ADAM11: variants seen among roughly 807,000 people sequenced by gnomAD.
ADAM11 encodes disintegrin and metalloproteinase domain-containing protein 11.
Under a neutral mutation model 119.1 loss-of-function variants are expected in ADAM11, and 49 were observed. The observed-to-expected ratio is 0.41, with a 90% CI of 0.33 to 0.52. The LOEUF is 0.52. ADAM11 is among the 20% of genes least tolerant of loss of function. ADAM11 has a pLI of 0.20. For missense variants in ADAM11, 777 were observed against 1,047.5 expected, an observed-to-expected ratio of 0.74 and a Z score of 3.56; for synonymous variants, 364 against 408.0, an observed-to-expected ratio of 0.89 and a Z score of 1.30.
chr17:44,763,249 C>T (rs936925059), intron 2 of ADAM11, among the ~76,000 whole-genome samples: 1 of 152,214 alleles, frequency 6.6e-6, no homozygotes, highest in African/African-American at 2.4e-5. Flanking sequence ...CATCACAGCT[C>T]CCAGAGGTGG....
At position 44,774,680 on chromosome 17, in the gene ADAM11, G is replaced by T. The variant is rs977453464; in HGVS notation, c.1169-18G>T. The T allele has an allele frequency of 6.3e-7, 1 of 1,591,518 alleles. No homozygotes were observed. Among genetic ancestry groups the T allele is most frequent in the Admixed American group, 1.8e-5 (1 of 56,414 alleles). ...GTGGTCCTTGGCCTCCCTCATATCCGCCTGGCTCACCCCTCAGGGGACTGC... is the reference window on the plus strand; with the variant it reads ...GTGGTCCTTGGCCTCCCTCATATCCTCCTGGCTCACCCCTCAGGGGACTGC... On this transcript the variant is annotated intron_variant, in intron 13 of 26. Transcript: ENST00000200557.
At chr17:44,766,499 C>T (rs1346162170) in intron 2 of ADAM11, among the ~76,000 whole-genome samples, 1 of 152,144 alleles carries the variant, frequency 6.6e-6, no homozygotes, top group Non-Finnish European at 1.5e-5. Flanking sequence ...GGTGGGCCAG[C>T]CAGAGAGGAG....
Position 44,778,208 on chromosome 17 carries a change from G to A in ADAM11, c.2242G>A (p.Ala748Thr). Residue 748 changes from alanine (A) to threonine (T), a missense_variant, in exon 25 of 27, where the codon GCC (alanine) becomes ACC (threonine). Physicochemically the swap from Ala to Thr is moderately conservative, Grantham distance 58 (BLOSUM62 0). Coordinates refer to ENST00000200557, the MANE Select transcript of ADAM11 (RefSeq NM_002390.6). The part of the protein sequence containing the change: ...GSIAGAVLVA[A>T]IVLGGTGWGF... Reference sequence around the variant, plus strand: ...CATTGCTGGGGCTGTCCTGGTTGCAGCCATCGTCCTGGGCGGCACGGGCTG... The same window carrying A: ...CATTGCTGGGGCTGTCCTGGTTGCAACCATCGTCCTGGGCGGCACGGGCTG... 1 of 1,613,754 alleles carries A rather than the reference G, an allele frequency of 6.2e-7. No individual in the cohort carries two copies. The highest frequency in any genetic ancestry group is 8.5e-7 in the Non-Finnish European group (1 of 1,179,840).
intron 4 of ADAM11, among the ~76,000 whole-genome samples, chr17:44,770,839 T>C (rs1266283997): frequency 6.6e-6 from 1 of 152,208 alleles, no homozygotes; most frequent in East Asian, 1.9e-4. Flanking sequence ...CTAAGAACCC[T>C]TGCTGTACGC....
intron 4 of ADAM11, among the ~76,000 whole-genome samples, chr17:44,770,368 G>A (rs2049506335): frequency 6.6e-6 from 1 of 152,190 alleles, no homozygotes; most frequent in Non-Finnish European, 1.5e-5. Context: ...GGACAGCTGA[G>A]GAAAGGCCCT....
Position 44,773,441 on chromosome 17 carries a change from C to T in ADAM11, c.992+14C>T, listed in dbSNP as rs940686326. On this transcript the variant is annotated intron_variant, in intron 11 of 26. Transcript: ENST00000200557. The surrounding 1 kb of genome is among the most constrained non-coding windows in gnomAD (Gnocchi z 4.6). ...CCACCTCTTCTCGTGAGTCCCCCAC[C>T]CTGCACCTCCTGCCAGCCTCTGCTA... The T allele has an allele frequency of 1.2e-6, 2 of 1,608,446 alleles. No homozygotes were observed. Among genetic ancestry groups the T allele is most frequent in the Non-Finnish European group, 8.5e-7 (1 of 1,176,578 alleles).
At chr17:44,763,842 G>A (rs994361952) in intron 2 of ADAM11, among the ~76,000 whole-genome samples, 4 of 151,926 alleles carry the variant, frequency 2.6e-5, no homozygotes, top group African/African-American at 4.8e-5. Context: ...TCAGCCTCCC[G>A]AGTAGCTGGG....
chr17:44,761,305 G>A (rs541570494), intron 2 of ADAM11, among the ~76,000 whole-genome samples: 2 of 152,292 alleles, frequency 1.3e-5, no homozygotes, highest in Admixed American at 6.5e-5. Context: ...GGAAAAGCCT[G>A]GAGTCAGGTA....
Position 44,777,652 on chromosome 17 carries a change from G to T in ADAM11, c.1902-43G>T, listed in dbSNP as rs760090157. ...AGGGGAGGTTGCAGCTGTGCTGGGGGTTAGGAGACAGGGGGCTGAGGCTGG... is the reference window on the plus strand; with the variant it reads ...AGGGGAGGTTGCAGCTGTGCTGGGGTTTAGGAGACAGGGGGCTGAGGCTGG... On this transcript the variant is annotated intron_variant, in intron 22 of 26. Transcript: ENST00000200557. The surrounding 1 kb of genome is among the most constrained non-coding windows in gnomAD (Gnocchi z 5.1). 1.2e-6 allele frequency: 2 copies of T among 1,613,568 alleles called. No homozygotes were observed. Among genetic ancestry groups the T allele is most frequent in the Non-Finnish European group, 1.7e-6 (2 of 1,179,650 alleles).
At chr17:44,761,076 G>T (rs2049383361) in intron 2 of ADAM11, among the ~76,000 whole-genome samples, 1 of 152,072 alleles carries the variant, frequency 6.6e-6, no homozygotes, top group African/African-American at 2.4e-5. Flanking sequence ...CAGGCTCCCT[G>T]GGAGGTGTGC....
At chr17:44,767,908 G>A (rs2049470383) in intron 2 of ADAM11, among the ~76,000 whole-genome samples, 1 of 152,204 alleles carries the variant, frequency 6.6e-6, no homozygotes, top group East Asian at 1.9e-4. Context: ...CCTGAGTGAG[G>A]GAGATTCTGT....
intron 2 of ADAM11, among the ~76,000 whole-genome samples, chr17:44,767,354 CAAAAAAAAAAAAAAAAAA>C: frequency 1.8e-5 from 1 of 56,920 alleles, no homozygotes; most frequent in Non-Finnish European, 3.4e-5. Flanking sequence ...GACTCCATCT[CAAAAAAAAAAAAAAAAAA>C]AAAAAGAACA....
Position 44,776,537 on chromosome 17 carries a change from C to CGAGG in ADAM11, c.1567-199_1567-196dup, listed in dbSNP as rs1242300751. 6.6e-6 allele frequency among the ~76,000 whole-genome samples: 1 copy of CGAGG among 152,124 alleles called. No individual in the cohort carries two copies. Among genetic ancestry groups the CGAGG allele is most frequent in the East Asian group, 1.9e-4 (1 of 5,202 alleles). On this transcript the variant is annotated intron_variant, in intron 18 of 26. Transcript: ENST00000200557. This position sits in a 1 kb window ranked among gnomAD's most constrained non-coding sequence, Gnocchi z 5.2. ...GCCAGGCATTTATCTCCCAGCCCTA[C>CGAGG]GAGGGAGGGAGGCTGGAGCGGCTCT... is the stretch of plus-strand genomic sequence containing the variant.
At chr17:44,774,455 G>A (rs539162284) in intron 12 of ADAM11, 37 bp from the exon 13 acceptor site, 6 of 1,606,222 alleles carry the variant, frequency 3.7e-6, no homozygotes, top group African/African-American at 1.3e-5. Context: ...CCTGTTGGAA[G>A]ATGTAGACAT....
Position 44,772,298 on chromosome 17 carries a change from C to T in ADAM11, c.575C>T (p.Pro192Leu). ...GPLPHLIYRT[P>L]LLPDPLGCRE... ...CTTCCCCACCTCATTTACCGGACCC[C>T]TCTCCTCCCAGATCCCCTCGGATGC... Residue 192 changes from proline to leucine, a missense_variant, in exon 7 of 27, where the codon CCT becomes CTT. Pro to Leu is a moderately conservative substitution (Grantham distance 98). Transcript: ENST00000200557. This position sits in a 1 kb window ranked among gnomAD's most constrained non-coding sequence, Gnocchi z 4.5. 7 of 1,607,926 alleles carry T rather than the reference C, an allele frequency of 4.4e-6. No homozygotes were observed. Among genetic ancestry groups the T allele is most frequent in the Non-Finnish European group, 5.9e-6 (7 of 1,176,962 alleles).
chr17:44,763,921 T>C (rs1233207034), intron 2 of ADAM11, among the ~76,000 whole-genome samples: 1 of 152,218 alleles, frequency 6.6e-6, no homozygotes, highest in Non-Finnish European at 1.5e-5. Flanking sequence ...TTCACCATGC[T>C]GGCCAAACTG....
chr17:44,765,449 AG>A (rs1184399543), intron 2 of ADAM11, among the ~76,000 whole-genome samples: 1 of 152,182 alleles, frequency 6.6e-6, no homozygotes, highest in African/African-American at 2.4e-5. Flanking sequence ...CTGTCACAGT[AG>A]GTGATCCAAA....
At chr17:44,763,403 G>A (rs552289798) in intron 2 of ADAM11, among the ~76,000 whole-genome samples, 1 of 152,330 alleles carries the variant, frequency 6.6e-6, no homozygotes, top group South Asian at 2.1e-4. Flanking sequence ...TCTTGCTCAG[G>A]GCTGAAGGGA....
chr17:44,776,004 T>G lies in ADAM11; in HGVS notation c.1486-123T>G, dbSNP rs2049595881. ...GGGAGCAGGGAAATAAGAACAGGCC[T>G]GAAACGGGGCCCTGGGGAGCTGGAG... is the stretch of plus-strand genomic sequence containing the variant. On this transcript the variant is annotated intron_variant, in intron 17 of 26. Coordinates refer to ENST00000200557, the MANE Select transcript of ADAM11 (RefSeq NM_002390.6). The surrounding 1 kb of genome is among the most constrained non-coding windows in gnomAD (Gnocchi z 5.2). 2 of 1,157,434 alleles carry G rather than the reference T, an allele frequency of 1.7e-6. No individual in the cohort carries two copies. The highest frequency in any genetic ancestry group is 2.5e-6 in the Non-Finnish European group (2 of 795,108). The allele number at this position is 1,157,434 out of a possible 1,614,324, so 71.7% of individuals were successfully genotyped here. A position where few individuals can be genotyped will look rare whatever the true frequency, so the allele number is the denominator to read the frequency against.
Sources: allele counts gnomAD v4.1 joint callset (sites outside exome capture counted in the v4.1 genomes callset), GRCh38; gene constraint gnomAD v4.1.1; non-coding constraint Gnocchi (gnomAD v3.1); transcripts MANE v1.5; gene names NCBI Gene and HGNC (gene_info 2026-07-23, HGNC 2026-07-21).